The following ABLIM2 variants were observed in gnomAD, a reference collection of about 807,000 sequenced individuals.
The protein encoded by ABLIM2 is actin binding LIM protein family member 2.
A neutral mutation model predicts 97.7 loss-of-function variants in ABLIM2; 53 were observed. The observed-to-expected ratio is 0.54, with a 90% confidence interval of 0.44 to 0.68. The LOEUF is 0.68. ABLIM2 is among the 30% of genes least tolerant of loss of function. The probability of loss-of-function intolerance (pLI) is 0.00; values close to 1 mark genes in which losing one functional copy is unlikely to be tolerated. For synonymous variants in ABLIM2, 361 were observed against 345.8 expected (o/e 1.04, Z -0.49); for missense variants, 835 against 867.2 (o/e 0.96, Z 0.47).
At chr4:8,007,492 G>A (rs1257895270) in intron 16 of ABLIM2, 10 of 985,546 alleles carry the variant, frequency 1.0e-5, no homozygotes, top group Non-Finnish European at 1.2e-5. Flanking sequence ...ATGATTTACA[G>A]CGGCCGGAAG....
intron 2 of ABLIM2, among the ~76,000 whole-genome samples, chr4:8,106,063 C>T (rs568783822): frequency 9.2e-5 from 14 of 152,272 alleles, no homozygotes; most frequent in South Asian, 2.1e-4. Context: ...TGGTAGTGTT[C>T]GCAGTGCTAC....
At chr4:8,036,639 C>T (rs537997297) in intron 9 of ABLIM2, among the ~76,000 whole-genome samples, 3 of 152,342 alleles carry the variant, frequency 2.0e-5, no homozygotes, top group South Asian at 4.1e-4. Context: ...ACAAAAGAGC[C>T]AGTAGGCCTT....
rs35890343 is a variant in ABLIM2 at position 8,095,084 on chromosome 4, CTCTTTCTT to C, written c.338+2007_338+2014del. On this transcript the variant is annotated intron_variant, in intron 3 of 20. Transcript: ENST00000447017. The surrounding 1 kb of genome is among the most constrained non-coding windows in gnomAD (Gnocchi z 4.7). ...TCTCTTTCTTTCTTTCTCTCTCTCT[CTCTTTCTT>C]TCTTTCTCTTTCCTTTTCTTTCTTT... Among the ~76,000 whole-genome samples, 2 of 147,648 alleles carry C rather than the reference CTCTTTCTT, an allele frequency of 1.4e-5. No individual in the cohort carries two copies. Among genetic ancestry groups the C allele is most frequent in the Non-Finnish European group, 3.0e-5 (2 of 67,348 alleles).
intron 2 of ABLIM2, among the ~76,000 whole-genome samples, chr4:8,100,780 A>G (rs1834173704): frequency 1.3e-5 from 2 of 149,934 alleles, no homozygotes; most frequent in Middle Eastern, 7.0e-3. Flanking sequence ...AAAGAAATCA[A>G]TGAGATGAGG....
At position 8,032,497 on chromosome 4, in the gene ABLIM2, G is replaced by A. The variant is rs568709451; in HGVS notation, c.1048-2721C>T. On this transcript the variant is annotated intron_variant, in intron 10 of 20. Transcript: ENST00000447017. This position sits in a 1 kb window ranked among gnomAD's most constrained non-coding sequence, Gnocchi z 4.3. ...TCATAAAAATAACCAGCAGCCAGGA[G>A]GGTGCCCCATGTCACAAGGGCCGTG... 2.3e-6 allele frequency: 2 copies of A among 873,080 alleles called. No homozygotes were observed. The highest frequency in any genetic ancestry group is 1.5e-5 in the South Asian group (1 of 67,168). The allele number at this position is 873,080 out of a possible 1,614,324, so 54.1% of individuals were successfully genotyped here. A position where few individuals can be genotyped will look rare whatever the true frequency, so the allele number is the denominator to read the frequency against.
rs527671727 is a variant in ABLIM2, at chr4:8,125,528, G to T, written c.11-18891C>A. Among the ~76,000 whole-genome samples the T allele has an allele frequency of 6.6e-6, 1 of 152,194 alleles. No homozygotes were observed. Among genetic ancestry groups the T allele is most frequent in the South Asian group, 2.1e-4 (1 of 4,806 alleles). On this transcript the variant is annotated intron_variant, in intron 1 of 20. Coordinates refer to ENST00000447017, the MANE Select transcript of ABLIM2 (RefSeq NM_001130083.2). The surrounding 1 kb of genome is among the most constrained non-coding windows in gnomAD (Gnocchi z 6.2). ...CTGGGATGGCTCTGCCATCAGCGTT[G>T]ACGGTCTGGTCCATCTACCACAGTC...
At chr4:8,077,570 CA>C (rs2152413080) in intron 6 of ABLIM2, 57 bp downstream of exon 6, 7 of 1,472,096 alleles carry the variant, frequency 4.8e-6, no homozygotes, top group African/African-American at 4.2e-5. Flanking sequence ...AGTCAACTCC[CA>C]GGGGGGCAGT....
At chr4:8,152,584 A>G (rs1195467727) in intron 1 of ABLIM2, among the ~76,000 whole-genome samples, 2 of 152,020 alleles carry the variant, frequency 1.3e-5, no homozygotes, top group African/African-American at 2.4e-5. Flanking sequence ...GTAAATTAAG[A>G]CTGCTCGACT....
At position 8,004,324 on chromosome 4, in the gene ABLIM2, G is replaced by T. The variant is rs1437982056; in HGVS notation, c.1618+3735C>A. The stretch of plus-strand genomic sequence containing the variant: ...TGGGGGTGAAGTGCCCCCAACTGGG[G>T]CCTCCCCTGTGCTGCTGCAGCAGTT... On this transcript the variant is annotated intron_variant, in intron 16 of 20. Coordinates refer to ENST00000447017, the MANE Select transcript of ABLIM2 (RefSeq NM_001130083.2). This position sits in a 1 kb window ranked among gnomAD's most constrained non-coding sequence, Gnocchi z 5.9. Among the ~76,000 whole-genome samples, 1 of 152,110 alleles carries T rather than the reference G, an allele frequency of 6.6e-6. No homozygotes were observed. The highest frequency in any genetic ancestry group is 2.4e-5 in the African/African-American group (1 of 41,398).
chr4:8,152,487 C>G (rs767253205), intron 1 of ABLIM2, among the ~76,000 whole-genome samples: 12 of 152,246 alleles, frequency 7.9e-5, no homozygotes, highest in Non-Finnish European at 1.6e-4. Context: ...GAGCCGCAGT[C>G]TCTGCGACAT....
rs1222288690 is a variant in ABLIM2 at position 8,085,996 on chromosome 4, A to C, written c.454+2173T>G. Among the ~76,000 whole-genome samples, 1 of 152,186 alleles carries C rather than the reference A, an allele frequency of 6.6e-6. No individual in the cohort carries two copies. Among genetic ancestry groups the C allele is most frequent in the Non-Finnish European group, 1.5e-5 (1 of 68,036 alleles). ...AGGTACAGGGCACTCCTGCACCTGCAGAAGAGCTCCTCCAGGCACAGCTGC... is the reference window on the plus strand; with the variant it reads ...AGGTACAGGGCACTCCTGCACCTGCCGAAGAGCTCCTCCAGGCACAGCTGC... On this transcript the variant is annotated intron_variant, in intron 4 of 20. Coordinates refer to ENST00000447017, the MANE Select transcript of ABLIM2 (RefSeq NM_001130083.2). The surrounding 1 kb of genome is among the most constrained non-coding windows in gnomAD (Gnocchi z 6.1).
chr4:8,016,097 T>C (rs1769016673), intron 14 of ABLIM2, among the ~76,000 whole-genome samples: 1 of 136,036 alleles, frequency 7.4e-6, no homozygotes, highest in Non-Finnish European at 1.5e-5. Context: ...CAGGCTGGAG[T>C]GCAGTGGTGC....
chr4:8,137,459 G>A (rs544458529), intron 1 of ABLIM2, among the ~76,000 whole-genome samples: 6 of 152,318 alleles, frequency 3.9e-5, no homozygotes, highest in East Asian at 1.9e-4. Flanking sequence ...GTGGATTTGG[G>A]TGAAGGGGCA....
At chr4:8,118,980 T>C (rs1464587182) in intron 1 of ABLIM2, among the ~76,000 whole-genome samples, 2 of 152,210 alleles carry the variant, frequency 1.3e-5, no homozygotes, top group African/African-American at 4.8e-5. Context: ...GTTGTCCACC[T>C]GGGCCCACTG....
intron 5 of ABLIM2, among the ~76,000 whole-genome samples, chr4:8,079,230 C>G (rs895592597): frequency 6.6e-6 from 1 of 152,232 alleles, no homozygotes; most frequent in African/African-American, 2.4e-5. Flanking sequence ...CCTCAGGACT[C>G]CCGTAATAAC....
At position 7,998,306 on chromosome 4, in the gene ABLIM2, T is replaced by TA. The variant is rs1271595543; in HGVS notation, c.1619-5380dup. Among the ~76,000 whole-genome samples the TA allele has an allele frequency of 2.0e-5, 3 of 152,214 alleles. No homozygotes were observed. Among genetic ancestry groups the TA allele is most frequent in the Non-Finnish European group, 4.4e-5 (3 of 68,032 alleles). On this transcript the variant is annotated intron_variant, in intron 16 of 20. Transcript: ENST00000447017. This position sits in a 1 kb window ranked among gnomAD's most constrained non-coding sequence, Gnocchi z 6.4. ...TTAGAAGACTGATCTTGTTAAGTGTTAAATCCTCTATTTGAGCAGGCTGTC... is the reference window on the plus strand; with the variant it reads ...TTAGAAGACTGATCTTGTTAAGTGTTAAAATCCTCTATTTGAGCAGGCTGTC...
chr4:8,054,547 C>G lies in ABLIM2; in HGVS notation c.764-301G>C, dbSNP rs932813236. 6.6e-6 allele frequency among the ~76,000 whole-genome samples: 1 copy of G among 152,188 alleles called. No individual in the cohort carries two copies. Among genetic ancestry groups the G allele is most frequent in the Non-Finnish European group, 1.5e-5 (1 of 68,042 alleles). On this transcript the variant is annotated intron_variant, in intron 7 of 20. Transcript: ENST00000447017. The surrounding 1 kb of genome is among the most constrained non-coding windows in gnomAD (Gnocchi z 4.9). ...GGAGGAGGCATAGGGTCTTGAGGAA[C>G]CTGGGGGGCAGCTGGAAGATTCTTC...
intron 20 of ABLIM2, among the ~76,000 whole-genome samples, chr4:7,982,053 G>A (rs1365688692): frequency 6.6e-6 from 1 of 152,048 alleles, no homozygotes; most frequent in Non-Finnish European, 1.5e-5. Context: ...ACTGCTGAGT[G>A]CCCCTCAGCT....
chr4:8,115,858 T>C (rs1842559354), intron 1 of ABLIM2, among the ~76,000 whole-genome samples: 1 of 152,120 alleles, frequency 6.6e-6, no homozygotes, highest in South Asian at 2.1e-4. Flanking sequence ...TACCCCCAGC[T>C]TCTGCCTTGC....
Sources: allele counts gnomAD v4.1 joint callset (sites outside exome capture counted in the v4.1 genomes callset), GRCh38; gene constraint gnomAD v4.1.1; non-coding constraint Gnocchi (gnomAD v3.1); transcripts MANE v1.5; gene names NCBI Gene and HGNC (gene_info 2026-07-23, HGNC 2026-07-21).